Variants in ATRNL1 observed in about 807,000 individuals in gnomAD.
ATRNL1 encodes the protein attractin like 1, also known as attractin-like protein 1.
ATRNL1 carries 95 observed loss-of-function variants against 182.7 expected under a neutral mutation model. The ratio of observed to expected loss-of-function variants is 0.52; its 90% CI spans 0.44 to 0.62. The LOEUF (loss-of-function observed/expected upper bound fraction) is 0.62, where lower values mean the gene tolerates loss of function less well. ATRNL1 is among the 20% of genes least tolerant of loss of function. The pLI, the probability that ATRNL1 is intolerant of heterozygous loss-of-function variation, is 0.00. For missense variants in ATRNL1, 1,471 were observed against 1,679.5 expected, an observed-to-expected ratio of 0.88 and a Z score of 2.17; for synonymous variants, 576 against 568.3, an observed-to-expected ratio of 1.01 and a Z score of -0.19.
chr10:115,389,554 A>ATATATG (rs1554953839), intron 19 of ATRNL1, among the ~76,000 whole-genome samples: 2 of 72,550 alleles, frequency 2.8e-5, no homozygotes, highest in Non-Finnish European at 6.1e-5. Context: ...ATATATATAT[A>ATATATG]TATATATATA....
chr10:115,150,674 A>G (rs1554880384), intron 5 of ATRNL1, among the ~76,000 whole-genome samples: 1 of 151,690 alleles, frequency 6.6e-6, no homozygotes, highest in Non-Finnish European at 1.5e-5. Flanking sequence ...TTCTAGTTTT[A>G]TTTCATTGTG....
intron 5 of ATRNL1, among the ~76,000 whole-genome samples, chr10:115,133,702 A>G (rs1845371604): frequency 6.6e-6 from 1 of 152,226 alleles, no homozygotes; most frequent in Non-Finnish European, 1.5e-5. Context: ...CGGACCTAAT[A>G]GACATCTACA....
intron 26 of ATRNL1, among the ~76,000 whole-genome samples, chr10:115,613,431 G>A (rs782657247): frequency 1.3e-5 from 2 of 152,108 alleles, no homozygotes; most frequent in Non-Finnish European, 2.9e-5. Flanking sequence ...CGCTTTGCTA[G>A]TATTTCTGTT....
At chr10:115,636,998 A>C (rs530521600) in intron 26 of ATRNL1, among the ~76,000 whole-genome samples, 1 of 152,098 alleles carries the variant, frequency 6.6e-6, no homozygotes. Flanking sequence ...AAAAAGAAGA[A>C]CCCCCAAGTA....
intron 26 of ATRNL1, among the ~76,000 whole-genome samples, chr10:115,620,337 C>T (rs965198096): frequency 1.5e-4 from 23 of 152,150 alleles, no homozygotes; most frequent in Admixed American, 1.5e-3. Context: ...CACCTCTCAC[C>T]AGGCCCCACC....
chr10:115,899,292 A>G (rs996508555), intron 28 of ATRNL1, among the ~76,000 whole-genome samples: 3 of 152,004 alleles, frequency 2.0e-5, no homozygotes, highest in Non-Finnish European at 4.4e-5. Flanking sequence ...AGCTTCATCC[A>G]TGTCCCTATT....
intron 27 of ATRNL1, among the ~76,000 whole-genome samples, chr10:115,730,724 T>C (rs568684564): frequency 7.9e-5 from 12 of 152,288 alleles, no homozygotes; most frequent in Admixed American, 5.2e-4. Flanking sequence ...AGCCCTATAA[T>C]TACCCTGTCA....
intron 27 of ATRNL1, among the ~76,000 whole-genome samples, chr10:115,755,904 G>A (rs1316689587): frequency 2.0e-5 from 3 of 151,636 alleles, no homozygotes; most frequent in Non-Finnish European, 4.4e-5. Context: ...TTGGGAGGGT[G>A]TGTGTCCAGG....
chr10:115,360,143 A>T (rs1196462026), intron 19 of ATRNL1, among the ~76,000 whole-genome samples: 3 of 151,686 alleles, frequency 2.0e-5, no homozygotes, highest in African/African-American at 7.2e-5. Context: ...ACATCCCAAT[A>T]CCCAAAAAGA....
At chr10:115,447,014 A>G (rs1847033875) in intron 21 of ATRNL1, among the ~76,000 whole-genome samples, 1 of 151,958 alleles carries the variant, frequency 6.6e-6, no homozygotes, top group African/African-American at 2.4e-5. Flanking sequence ...ATAGATACTT[A>G]CAGCTTTGAT....
intron 25 of ATRNL1, among the ~76,000 whole-genome samples, chr10:115,531,656 G>T (rs1186062419): frequency 2.7e-5 from 4 of 150,764 alleles, no homozygotes; most frequent in Admixed American, 6.6e-5. Context: ...GTCAATTTTG[G>T]CTTTTGTTGC....
chr10:115,316,962 T>C (rs1554929896), intron 18 of ATRNL1, among the ~76,000 whole-genome samples: 3 of 152,242 alleles, frequency 2.0e-5, no homozygotes, highest in African/African-American at 7.2e-5. Context: ...CAGCTGCTTT[T>C]GGGATTTTCA....
chr10:115,925,704 A>G (rs1953208962), intron 28 of ATRNL1, among the ~76,000 whole-genome samples: 1 of 152,224 alleles, frequency 6.6e-6, no homozygotes, highest in Non-Finnish European at 1.5e-5. Context: ...CAATTCAACA[A>G]GAAGAGCTAA....
intron 27 of ATRNL1, among the ~76,000 whole-genome samples, chr10:115,762,880 A>G (rs1555073989): frequency 6.6e-6 from 1 of 152,072 alleles, no homozygotes; most frequent in African/African-American, 2.4e-5. Context: ...ATCTTTATTC[A>G]TTTTTGTTTA....
intron 27 of ATRNL1, among the ~76,000 whole-genome samples, chr10:115,846,094 AT>A (rs1950921277): frequency 6.6e-6 from 1 of 152,126 alleles, no homozygotes; most frequent in African/African-American, 2.4e-5. Context: ...AGTCTGTTAA[AT>A]TAAATGTAAG....
At chr10:115,694,441 G>A (rs1175077192) in intron 26 of ATRNL1, among the ~76,000 whole-genome samples, 1 of 151,924 alleles carries the variant, frequency 6.6e-6, no homozygotes, top group Non-Finnish European at 1.5e-5. Context: ...GTAAATACTA[G>A]ACAAATATCT....
chr10:115,721,699 G>C (rs570417652), intron 26 of ATRNL1, among the ~76,000 whole-genome samples: 1 of 152,232 alleles, frequency 6.6e-6, no homozygotes, highest in East Asian at 1.9e-4. Context: ...AGAGATTTCT[G>C]GGAGATACAA....
At chr10:115,445,430 CAAAAAAAAA>C (rs34068379) in intron 21 of ATRNL1, among the ~76,000 whole-genome samples, 17 of 26,118 alleles carry the variant, frequency 6.5e-4, no homozygotes, top group African/African-American at 2.8e-3. Flanking sequence ...GATTTCGCCT[CAAAAAAAAA>C]AAAAAAAAAA....
chr10:115,739,201 A>G (rs118092068), intron 27 of ATRNL1, among the ~76,000 whole-genome samples: 1 of 152,316 alleles, frequency 6.6e-6, no homozygotes, highest in Non-Finnish European at 1.5e-5. Flanking sequence ...AGTCCTGATC[A>G]ACCTTATTCA....
Sources: gnomAD v4.1 joint callset for allele counts (sites outside exome capture counted in the v4.1 genomes callset) on GRCh38, gnomAD v4.1.1 for gene constraint, MANE v1.5 for transcripts, NCBI Gene and HGNC (gene_info 2026-07-23, HGNC 2026-07-21) for gene names.